Variants in KLHL22 observed in about 807,000 individuals in gnomAD.
KLHL22 encodes the protein kelch-like protein 22.
In KLHL22, 18 loss-of-function variants were observed where a neutral mutation model predicts 60.7. The ratio of observed to expected loss-of-function variants is 0.30; its 90% CI spans 0.20 to 0.44. The LOEUF is 0.44. KLHL22 is among the 20% of genes least tolerant of loss of function. The pLI, the probability that KLHL22 is intolerant of heterozygous loss-of-function variation, is 1.00. For synonymous variants in KLHL22, 355 were observed against 354.5 expected (o/e 1.00, Z -0.01); for missense variants, 596 against 852.3 (o/e 0.70, Z 3.74).
chr22:20,481,066 C>G (rs1171320272), intron 2 of KLHL22: 1 of 151,682 alleles, frequency 6.6e-6, no homozygotes, highest in Non-Finnish European at 1.5e-5. Context: ...CTCCTGACCT[C>G]GTGATCCGCC....
chr22:20,454,383 G>A (rs1846671541), intron 5 of KLHL22, among the ~76,000 whole-genome samples: 1 of 151,968 alleles, frequency 6.6e-6, no homozygotes, highest in African/African-American at 2.4e-5. Context: ...TGTAAAAGAA[G>A]AGTTCATGAA....
At chr22:20,473,849 T>C (rs2053366244) in intron 2 of KLHL22, among the ~76,000 whole-genome samples, 1 of 152,002 alleles carries the variant, frequency 6.6e-6, no homozygotes, top group African/African-American at 2.4e-5. Context: ...CACTCCAGCC[T>C]GGGCAACAAG....
chr22:20,465,248 A>G lies in KLHL22; in HGVS notation c.722T>C (p.Leu241Pro). 6.2e-7 allele frequency: 1 copy of G among 1,613,978 alleles called. No homozygotes were observed. The highest frequency in any genetic ancestry group is 8.5e-7 in the Non-Finnish European group (1 of 1,180,000). The part of the protein sequence containing the change: ...QISLHEPPKL[L>P]ETVRFPLMEA... ...CATCAGCGGAAACCGCACTGTCTCA[A>G]GGAGCTTTGGGGGCTCGTGCAGCGA... The change falls in exon 4 of 7, where the codon CTT (leucine) becomes CCT (proline). Residue 241 changes from leucine to proline, a missense_variant. Physicochemically the swap from Leu to Pro is moderately conservative, Grantham distance 98 (BLOSUM62 -3). Transcript: ENST00000328879. This position sits in a 1 kb window ranked among gnomAD's most constrained non-coding sequence, Gnocchi z 4.9.
intron 2 of KLHL22, among the ~76,000 whole-genome samples, chr22:20,473,900 G>A (rs1449068602): frequency 1.3e-5 from 2 of 150,610 alleles, no homozygotes; most frequent in Non-Finnish European, 3.0e-5. Flanking sequence ...TACAGTATAG[G>A]TTGTGGTGAA....
rs80052647 is a variant in KLHL22 at position 20,465,040 on chromosome 22, C to T, written c.930G>A (p.Pro310=). The T allele has an allele frequency of 3.3e-3, 5,322 of 1,610,816 alleles. 103 individuals carry two copies. In the East Asian group the frequency reaches 0.059, roughly 18 times the overall value. The stretch of plus-strand genomic sequence containing the variant: ...TGGCCTGGTCGCTGAGGACAGTGGA[C>T]GGCGTGGAGTGAATGCCCCCGAAGC... The part of the protein sequence containing the change: ...VVGFGGIHST[P]STVLSDQAKY... Residue 310 remains proline, a synonymous_variant, in exon 4 of 7, where the codon CCG becomes CCA. Transcript: ENST00000328879. This position sits in a 1 kb window ranked among gnomAD's most constrained non-coding sequence, Gnocchi z 4.9.
rs955111237 is a variant in KLHL22 at position 20,457,956 on chromosome 22, T to C, written c.1157A>G (p.Gln386Arg). The C allele has an allele frequency of 3.7e-6, 6 of 1,614,054 alleles. No homozygotes were observed. The highest frequency in any genetic ancestry group is 5.1e-6 in the Non-Finnish European group (6 of 1,180,034). The change falls in exon 5 of 7, where the codon CAG becomes CGG. Residue 386 changes from glutamine to arginine, a missense_variant. Physicochemically the swap from Gln to Arg is conservative, Grantham distance 43. Transcript: ENST00000328879. Reference protein sequence around the residue: ...HNRWFQIQSLQQEHADLSVCV... With the variant: ...HNRWFQIQSLRQEHADLSVCV... ...CACGGACAGGTCGGCGTGCTCCTGC[T>C]GCAGGGACTGGATCTGGAACCAGCG...
intron 3 of KLHL22, among the ~76,000 whole-genome samples, chr22:20,470,809 T>TGGATGGATGGAC (rs1376844500): frequency 1.3e-3 from 194 of 144,430 alleles, no homozygotes; most frequent in African/African-American, 5.5e-3. Context: ...GATGGATGGA[T>TGGATGGATGGAC]GGATGGATGG....
At chr22:20,459,930 C>T (rs1348439280) in intron 4 of KLHL22, among the ~76,000 whole-genome samples, 5 of 152,150 alleles carry the variant, frequency 3.3e-5, no homozygotes, top group African/African-American at 9.7e-5. Flanking sequence ...TGCTGGTCAG[C>T]GGGGCCTGGG....
chr22:20,460,884 C>T (rs1320227136), intron 4 of KLHL22, among the ~76,000 whole-genome samples: 2 of 152,070 alleles, frequency 1.3e-5, no homozygotes, highest in African/African-American at 4.8e-5. Context: ...CCCCCAAAAC[C>T]CCTATGTTGA....
chr22:20,450,124 G>A, intron 5 of KLHL22: 1 of 783,388 alleles, frequency 1.3e-6, no homozygotes, highest in Non-Finnish European at 2.4e-6. Flanking sequence ...ACTGCTTTAT[G>A]GGAGGCATTA....
intron 2 of KLHL22, among the ~76,000 whole-genome samples, chr22:20,482,456 C>T (rs1263481125): frequency 1.3e-5 from 2 of 152,166 alleles, no homozygotes; most frequent in Admixed American, 1.3e-4. Flanking sequence ...ACACTCACAA[C>T]TCATGGCTCA....
chr22:20,460,641 A>AAAAAAAAAAAG (rs2053139589), intron 4 of KLHL22, among the ~76,000 whole-genome samples: 1 of 123,744 alleles, frequency 8.1e-6, no homozygotes. Context: ...AAAAAAAAAA[A>AAAAAAAAAAAG]AAAAAAGACA....
At position 20,489,003 on chromosome 22, in the gene KLHL22, G is replaced by A. The variant is rs1375923142; in HGVS notation, c.209C>T (p.Ala70Val). ...AACTCACCTGAAGTAATCGCAGGAC[G>A]CAGCCAGCAGGATGCGATGGGCCTC... ...HIEAHRILLA[A>V]SCDYFRGMFA... is the part of the protein sequence containing the mutation. The change falls in exon 2 of 7, where the codon GCG becomes GTG. Residue 70 changes from alanine (A) to valine (V), a missense_variant. Physicochemically the swap from Ala to Val is moderately conservative, Grantham distance 64. Coordinates refer to ENST00000328879, the MANE Select transcript of KLHL22 (RefSeq NM_032775.4). 2 of 1,613,828 alleles carry A rather than the reference G, an allele frequency of 1.2e-6. No homozygotes were observed. The highest frequency in any genetic ancestry group is 1.1e-5 in the South Asian group (1 of 91,070).
rs372990127 is a variant in KLHL22 at position 20,471,234 on chromosome 22, C to T, written c.393+116G>A. The T allele has an allele frequency of 5.2e-6, 5 of 956,526 alleles. No homozygotes were observed. In the African/African-American group the frequency reaches 8.2e-5, roughly 16 times the overall value. 59.3% of individuals were successfully genotyped at this position (956,526 alleles called of 1,614,324 possible). On this transcript the variant is annotated intron_variant, in intron 3 of 6. Coordinates refer to ENST00000328879, the MANE Select transcript of KLHL22 (RefSeq NM_032775.4). ...TTCATGGCCTTCGTCACTGCTTGGT[C>T]TCCTCACATTCCTGACCCATCTTCA...
chr22:20,490,171 A>G (rs1055137380), intron 1 of KLHL22, among the ~76,000 whole-genome samples: 2 of 152,214 alleles, frequency 1.3e-5, no homozygotes, highest in Non-Finnish European at 2.9e-5. Context: ...AGATGTGAAC[A>G]TCTGTCTTCT....
At chr22:20,455,061 T>C (rs1464469244) in intron 5 of KLHL22, among the ~76,000 whole-genome samples, 4 of 152,280 alleles carry the variant, frequency 2.6e-5, no homozygotes, top group Middle Eastern at 3.4e-3. Flanking sequence ...TTTGTATTTT[T>C]AGTAGAGATG....
chr22:20,475,004 C>A (rs540040569), intron 2 of KLHL22, among the ~76,000 whole-genome samples: 1 of 152,324 alleles, frequency 6.6e-6, no homozygotes, highest in South Asian at 2.1e-4. Flanking sequence ...ACATAAGGTA[C>A]AGAAAATCTC....
chr22:20,458,038 G>A, intron 4 of KLHL22, 38 bp from the exon 5 acceptor site: 1 of 1,607,616 alleles, frequency 6.2e-7, no homozygotes, highest in Non-Finnish European at 8.5e-7. Context: ...CACTGACTAG[G>A]CAGGGAGGCT....
chr22:20,445,948 A>G (rs1050057243), intron 6 of KLHL22, among the ~76,000 whole-genome samples: 1 of 152,090 alleles, frequency 6.6e-6, no homozygotes, highest in Non-Finnish European at 1.5e-5. Flanking sequence ...TTTTGTAGAG[A>G]TGGGGTTTTG....
Sources: gnomAD v4.1 joint callset for allele counts (sites outside exome capture counted in the v4.1 genomes callset) on GRCh38, gnomAD v4.1.1 for gene constraint, Gnocchi (gnomAD v3.1) non-coding constraint, MANE v1.5 for transcripts, NCBI Gene and HGNC (gene_info 2026-07-23, HGNC 2026-07-21) for gene names.